The following ARHGAP21 variants were observed in gnomAD, a reference collection of about 807,000 sequenced individuals.
The protein encoded by ARHGAP21 is Rho GTPase activating protein 21, also known as rho GTPase-activating protein 21.
In ARHGAP21, 38 loss-of-function variants were observed where a neutral mutation model predicts 164.6. That is an observed-to-expected ratio of 0.23 (90% CI 0.18 to 0.30). The LOEUF (loss-of-function observed/expected upper bound fraction) is 0.30. Ranked by LOEUF, ARHGAP21 falls within the 10% of genes least tolerant of loss-of-function variation. The pLI is 1.00. For synonymous variants in ARHGAP21, 766 were observed against 857.9 expected, an observed-to-expected ratio of 0.89 and a Z score of 1.87; for missense variants, 1,822 against 2,370.7, an observed-to-expected ratio of 0.77 and a Z score of 4.81.
chr10:24,667,092 A>G (rs916143585), intron 3 of ARHGAP21, 83 bp from the exon 4 acceptor site: 1 of 717,766 alleles, frequency 1.4e-6, no homozygotes, highest in African/African-American at 1.9e-5. Context: ...ATTTAATTCA[A>G]ATCGACCTCC....
chr10:24,670,419 A>T, intron 2 of ARHGAP21, 22 bp from the exon 3 acceptor site: 1 of 1,546,380 alleles, frequency 6.5e-7, no homozygotes. Flanking sequence ...AGATATTTAA[A>T]AGTTAACTAC....
At chr10:24,601,954 A>G (rs756411133) in intron 13 of ARHGAP21, 24 bp downstream of exon 13, 1 of 1,522,234 alleles carries the variant, frequency 6.6e-7, no homozygotes, top group East Asian at 2.4e-5. Flanking sequence ...TCTGACACTC[A>G]GGGTGGCTTA....
intron 2 of ARHGAP21, among the ~76,000 whole-genome samples, chr10:24,687,081 T>C (rs1842280663): frequency 1.3e-5 from 2 of 150,548 alleles, no homozygotes; most frequent in South Asian, 4.2e-4. Flanking sequence ...CCAGGTGTGG[T>C]GGTGCATGCC....
At chr10:24,615,206 A>T (rs1023795264) in intron 9 of ARHGAP21, among the ~76,000 whole-genome samples, 1 of 152,220 alleles carries the variant, frequency 6.6e-6, no homozygotes, top group Non-Finnish European at 1.5e-5. Flanking sequence ...CAAACAAAAA[A>T]AACTAATGCT....
In ARHGAP21 at chr10:24,648,194, T is replaced by C. The variant is rs1837771342; in HGVS notation, c.269-13091A>G. 2.0e-5 allele frequency among the ~76,000 whole-genome samples: 3 copies of C among 152,266 alleles called. No homozygotes were observed. The South Asian group carries it at 6.2e-4, about 32-fold the overall frequency. On this transcript the variant is annotated intron_variant, in intron 4 of 25. Transcript: ENST00000396432. The stretch of plus-strand genomic sequence containing the variant: ...CGTTTCTCTATTTGCCTTCATTAGG[T>C]TCGTGCTGCTGCCACCACCTCCCTC...
At chr10:24,679,537 A>C (rs1458222518) in intron 2 of ARHGAP21, among the ~76,000 whole-genome samples, 1 of 152,206 alleles carries the variant, frequency 6.6e-6, no homozygotes, top group Non-Finnish European at 1.5e-5. Context: ...GAAACTGCCA[A>C]ACTGCTTTTC....
At chr10:24,654,111 T>C (rs904849170) in intron 4 of ARHGAP21, among the ~76,000 whole-genome samples, 19 of 152,300 alleles carry the variant, frequency 1.2e-4, no homozygotes, top group East Asian at 7.7e-4. Flanking sequence ...AAATTAAGTA[T>C]TGATGGGACG....
In ARHGAP21 at chr10:24,620,276, A is replaced by G; in HGVS notation, c.1619T>C (p.Ile540Thr). 6.2e-7 allele frequency: 1 copy of G among 1,613,946 alleles called. No individual in the cohort carries two copies. The highest frequency in any genetic ancestry group is 1.1e-5 in the South Asian group (1 of 91,074). ...GFTEQDDRRG[I>T]CERPRQQEIH... ...TTCTTGCTGCCTAGGTCTTTCACAA[A>G]TACCTCGTCTATCATCCTGTTCAGT... The change falls in exon 9 of 26, where the codon ATT becomes ACT. Residue 540 changes from isoleucine to threonine, a missense_variant. Ile to Thr is a moderately conservative substitution (Grantham distance 89). Around this residue, in one of 5 missense-constraint regions of ARHGAP21, gnomAD observed 1,090 missense variants for 1,378.9 expected, o/e 0.79. Transcript: ENST00000396432.
chr10:24,594,705 A>C (rs1016369811), intron 21 of ARHGAP21, among the ~76,000 whole-genome samples: 4 of 152,162 alleles, frequency 2.6e-5, no homozygotes, highest in African/African-American at 9.7e-5. Flanking sequence ...GAGAGAAGTA[A>C]AATTTCTGAC....
intron 2 of ARHGAP21, among the ~76,000 whole-genome samples, chr10:24,719,098 T>TACACACACACACACACACAC (rs57863565): frequency 3.4e-5 from 5 of 147,506 alleles, no homozygotes; most frequent in African/African-American, 7.6e-5. Context: ...CTTCACGGAC[T>TACACACACACACACACACAC]ACACACACAC....
At chr10:24,618,652 T>C (rs1045218905) in intron 9 of ARHGAP21, among the ~76,000 whole-genome samples, 2 of 152,126 alleles carry the variant, frequency 1.3e-5, no homozygotes, top group African/African-American at 4.8e-5. Context: ...GCAAGGAGGC[T>C]GGTGAGGCTG....
chr10:24,713,201 G>C (rs1239023053), intron 2 of ARHGAP21, among the ~76,000 whole-genome samples: 1 of 152,170 alleles, frequency 6.6e-6, no homozygotes, highest in African/African-American at 2.4e-5. Context: ...GAACTCAAGA[G>C]AGTGTCTTCC....
At chr10:24,697,079 C>G (rs2132076354) in intron 2 of ARHGAP21, among the ~76,000 whole-genome samples, 1 of 152,236 alleles carries the variant, frequency 6.6e-6, no homozygotes, top group Admixed American at 6.5e-5. Flanking sequence ...AGAGGCCCGA[C>G]CCAGAATCTC....
chr10:24,600,005 T>C (rs2076745334), intron 14 of ARHGAP21, among the ~76,000 whole-genome samples: 1 of 151,944 alleles, frequency 6.6e-6, no homozygotes, highest in Non-Finnish European at 1.5e-5. Flanking sequence ...TGGTGACGGC[T>C]GCCTGTCATC....
intron 4 of ARHGAP21, 56 bp downstream of exon 4, chr10:24,666,929 C>A (rs12571182): frequency 1.3e-5 from 16 of 1,278,544 alleles, no homozygotes; most frequent in South Asian, 1.2e-4. Context: ...ACTTAAAGAA[C>A]AGAAAGAAAT....
At chr10:24,708,180 G>A (rs972978200) in intron 2 of ARHGAP21, among the ~76,000 whole-genome samples, 1 of 152,208 alleles carries the variant, frequency 6.6e-6, no homozygotes, top group East Asian at 1.9e-4. Context: ...CTACTGAAAA[G>A]CTTGTTTCTA....
intron 2 of ARHGAP21, among the ~76,000 whole-genome samples, chr10:24,708,997 CCA>C (rs368213591): frequency 8.3e-4 from 126 of 152,158 alleles, no homozygotes; most frequent in African/African-American, 2.8e-3. Flanking sequence ...TAAGAAATCT[CCA>C]CACAGTTTTC....
chr10:24,596,916 T>A (rs2076608407), intron 16 of ARHGAP21, 34 bp from the exon 17 acceptor site: 1 of 1,578,170 alleles, frequency 6.3e-7, no homozygotes. Flanking sequence ...AACAACATAA[T>A]AAAATGGAAA....
chr10:24,644,623 C>G (rs1034297224), intron 4 of ARHGAP21, among the ~76,000 whole-genome samples: 2 of 152,182 alleles, frequency 1.3e-5, no homozygotes, highest in African/African-American at 4.8e-5. Context: ...AATGAATTCT[C>G]TAAGACAAAG....
Sources: gnomAD v4.1 joint callset for allele counts (sites outside exome capture counted in the v4.1 genomes callset) on GRCh38, gnomAD v4.1.1 for gene constraint, gnomAD v4.1.1 regional missense constraint, MANE v1.5 for transcripts, NCBI Gene and HGNC (gene_info 2026-07-23, HGNC 2026-07-21) for gene names.